Variants in LARGE1 observed in about 807,000 individuals in gnomAD.
LARGE1 encodes LARGE xylosyl- and glucuronyltransferase 1, also known as xylosyl- and glucuronyltransferase LARGE1.
In LARGE1, 43 loss-of-function variants were observed where a neutral mutation model predicts 87.6. The observed-to-expected ratio is 0.49, with a 90% CI of 0.38 to 0.63. LARGE1 has a LOEUF of 0.63. Ranked by LOEUF, LARGE1 falls within the 30% of genes least tolerant of loss-of-function variation. The probability of loss-of-function intolerance (pLI) is 0.00; values close to 1 mark genes in which losing one functional copy is unlikely to be tolerated. For synonymous variants in LARGE1, 434 were observed against 394.6 expected, an observed-to-expected ratio of 1.10 and a Z score of -1.18; for missense variants, 802 against 1,000.2, an observed-to-expected ratio of 0.80 and a Z score of 2.67.
chr22:33,468,887 C>T (rs1280211701), intron 6 of LARGE1, among the ~76,000 whole-genome samples: 1 of 152,178 alleles, frequency 6.6e-6, no homozygotes, highest in Non-Finnish European at 1.5e-5. Context: ...CAGTATTTGC[C>T]TCCGACTTAC....
chr22:33,628,395 CA>C (rs1352534163), intron 3 of LARGE1, among the ~76,000 whole-genome samples: 1 of 151,184 alleles, frequency 6.6e-6, no homozygotes. Flanking sequence ...CAGCTCACTG[CA>C]ACCTCTGCCC....
rs151074455 is a variant in LARGE1, at chr22:33,527,434, C to T, written c.787+37414G>A. On this transcript the variant is annotated intron_variant, in intron 6 of 14. Transcript: ENST00000397394. ...CCAGTGAGATGATGCAGTGGAGACA[C>T]AGAGCCAAGGCGATCGGATTTATGT... is the stretch of plus-strand genomic sequence containing the variant. 5.4e-4 allele frequency among the ~76,000 whole-genome samples: 83 copies of T among 152,310 alleles called. 1 individual carries two copies. The highest frequency in any genetic ancestry group is 1.3e-4 in the Non-Finnish European group (9 of 68,030).
chr22:33,304,779 G>A (rs1204617265), intron 11 of LARGE1, among the ~76,000 whole-genome samples: 1 of 152,158 alleles, frequency 6.6e-6, no homozygotes, highest in East Asian at 1.9e-4. Context: ...TCAAAGCCAG[G>A]TGGTGAGTAT....
chr22:33,475,135 G>T (rs1055974001), intron 6 of LARGE1, among the ~76,000 whole-genome samples: 1 of 151,954 alleles, frequency 6.6e-6, no homozygotes, highest in East Asian at 1.9e-4. Flanking sequence ...TAATATGAGG[G>T]GTTTAGAAGC....
chr22:33,134,641 A>C, the LARGE1 span, among the ~76,000 whole-genome samples: 1 of 152,166 alleles, frequency 6.6e-6, no homozygotes, highest in Non-Finnish European at 1.5e-5. Flanking sequence ...AGCATGTAGA[A>C]GTTGCTGGAC....
rs5999140 is a variant in LARGE1 at position 33,910,528 on chromosome 22, T to C, written c.-83+9467A>G. ...CCCAACACACTGTCCTCTGGGCCCT[T>C]TGACTTTCACTCATCCCCTTACGAG... On this transcript the variant is annotated intron_variant, in intron 1 of 14. Coordinates refer to ENST00000397394, the MANE Select transcript of LARGE1 (RefSeq NM_133642.5). Among the ~76,000 whole-genome samples, 1,344 of 152,266 alleles carry C rather than the reference T, an allele frequency of 8.8e-3. 34 individuals carry two copies. The highest frequency in any genetic ancestry group is 0.031 in the African/African-American group (1,280 of 41,540).
chr22:33,670,613 G>A lies in LARGE1; in HGVS notation c.107-19945C>T, dbSNP rs2081381479. Reference sequence around the variant, plus strand: ...GACACAGCCTCAACTATTAGCTCGAGGTAGTTCACAGTTTCAACATTAGAA... The same window carrying A: ...GACACAGCCTCAACTATTAGCTCGAAGTAGTTCACAGTTTCAACATTAGAA... On this transcript the variant is annotated intron_variant, in intron 2 of 14. Transcript: ENST00000397394. Among the ~76,000 whole-genome samples the A allele has an allele frequency of 2.6e-5, 4 of 152,168 alleles. No individual in the cohort carries two copies. The South Asian group carries it at 6.2e-4, about 24-fold the overall frequency.
At chr22:33,654,827 C>A (rs1410197746) in intron 2 of LARGE1, among the ~76,000 whole-genome samples, 1 of 152,188 alleles carries the variant, frequency 6.6e-6, no homozygotes, top group East Asian at 1.9e-4. Flanking sequence ...CATGGAAGCA[C>A]AAGGAGCTTG....
intron 6 of LARGE1, among the ~76,000 whole-genome samples, chr22:33,451,842 C>T (rs2067943427): frequency 6.6e-6 from 1 of 151,770 alleles, no homozygotes; most frequent in Non-Finnish European, 1.5e-5. Flanking sequence ...CAGGCGTGAG[C>T]CACCGCCCCC....
At chr22:33,729,677 A>G (rs2083391257) in intron 2 of LARGE1, among the ~76,000 whole-genome samples, 1 of 152,198 alleles carries the variant, frequency 6.6e-6, no homozygotes, top group Non-Finnish European at 1.5e-5. Flanking sequence ...CCCATTCCCA[A>G]ACAACAGGCG....
chr22:33,522,045 A>G (rs117215709), intron 6 of LARGE1, among the ~76,000 whole-genome samples: 9 of 152,278 alleles, frequency 5.9e-5, no homozygotes, highest in Non-Finnish European at 1.0e-4. Flanking sequence ...ACTCGGAGCA[A>G]GAAGTCACTC....
chr22:33,874,276 GCAGA>G (rs1273195639), intron 1 of LARGE1, among the ~76,000 whole-genome samples: 1 of 152,152 alleles, frequency 6.6e-6, no homozygotes. Context: ...GAAACCCTGT[GCAGA>G]CAAAGGGTAG....
At chr22:33,382,196 G>C (rs1255709834) in intron 8 of LARGE1, 152 bp from the exon 9 acceptor site, 1 of 948,266 alleles carries the variant, frequency 1.1e-6, no homozygotes, top group Non-Finnish European at 1.6e-6. Context: ...CATCTCTCTT[G>C]CCTGTTATCT....
At chr22:33,373,732 T>C (rs576035030) in intron 9 of LARGE1, among the ~76,000 whole-genome samples, 1 of 152,194 alleles carries the variant, frequency 6.6e-6, no homozygotes, top group Non-Finnish European at 1.5e-5. Context: ...CCCAACACTT[T>C]GGGAGGCTGA....
chr22:33,769,080 G>C (rs1001828801), intron 1 of LARGE1, among the ~76,000 whole-genome samples: 9 of 152,216 alleles, frequency 5.9e-5, no homozygotes, highest in African/African-American at 2.2e-4. Context: ...AGACTTCCTT[G>C]ATTGCAAATT....
At chr22:33,158,598 T>A (rs73881973), downstream of LARGE1, among the ~76,000 whole-genome samples, 1 of 152,164 alleles carries the variant, frequency 6.6e-6, no homozygotes, top group African/African-American at 2.4e-5. Flanking sequence ...TATCAGGATA[T>A]TCAGAATATA....
At chr22:33,643,504 C>T (rs1389714070) in intron 3 of LARGE1, among the ~76,000 whole-genome samples, 3 of 152,092 alleles carry the variant, frequency 2.0e-5, no homozygotes, top group African/African-American at 7.2e-5. Flanking sequence ...AATTCAAAAC[C>T]TAGCAGAAGA....
At chr22:33,436,269 G>A (rs2067267970) in intron 6 of LARGE1, among the ~76,000 whole-genome samples, 1 of 152,210 alleles carries the variant, frequency 6.6e-6, no homozygotes, top group Non-Finnish European at 1.5e-5. Flanking sequence ...TAGAACAGAA[G>A]CTGGAACTCT....
In LARGE1 at chr22:33,304,215, C is replaced by T. The variant is rs1934553614; in HGVS notation, c.1730+14G>A. ...GCCTTCTGGCCTGATGGCCAGGCCC[C>T]TGCAGGTCCTTACCTGAGGTACTCA... is the stretch of plus-strand genomic sequence containing the variant. On this transcript the variant is annotated intron_variant, in intron 12 of 14. Transcript: ENST00000397394. 1 of 1,613,998 alleles carries T rather than the reference C, an allele frequency of 6.2e-7. No homozygotes were observed. The highest frequency in any genetic ancestry group is 8.5e-7 in the Non-Finnish European group (1 of 1,180,028).
Sources: allele counts gnomAD v4.1 joint callset (sites outside exome capture counted in the v4.1 genomes callset), GRCh38; gene constraint gnomAD v4.1.1; transcripts MANE v1.5; gene names NCBI Gene and HGNC (gene_info 2026-07-23, HGNC 2026-07-21).